AGK: variants seen among roughly 807,000 people sequenced by gnomAD.
The protein encoded by AGK is acylglycerol kinase.
Under a neutral mutation model 66.4 loss-of-function variants are expected in AGK, and 52 were observed. The ratio of observed to expected loss-of-function variants is 0.78; its 90% CI spans 0.63 to 0.99. AGK has a LOEUF of 0.99. Ranked by LOEUF, AGK falls within the 50% of genes least tolerant of loss-of-function variation. The pLI, the probability that AGK is intolerant of heterozygous loss-of-function variation, is 0.00. For synonymous variants in AGK, 182 were observed against 181.1 expected, an observed-to-expected ratio of 1.00 and a Z score of -0.04; for missense variants, 451 against 506.6, an observed-to-expected ratio of 0.89 and a Z score of 1.05.
chr7:141,640,480 G>A (rs1472948441), intron 11 of AGK, among the ~76,000 whole-genome samples: 1 of 152,140 alleles, frequency 6.6e-6, no homozygotes, highest in Non-Finnish European at 1.5e-5. Context: ...GAACAGGGAA[G>A]CATTTCACCC....
chr7:141,597,813 C>T (rs1297616190), intron 4 of AGK, among the ~76,000 whole-genome samples: 2 of 146,828 alleles, frequency 1.4e-5, no homozygotes, highest in Non-Finnish European at 3.0e-5. Context: ...ATCACCTAAG[C>T]CCAGGAGGTC....
At chr7:141,632,813 G>A (rs572422431) in intron 9 of AGK, among the ~76,000 whole-genome samples, 1 of 152,284 alleles carries the variant, frequency 6.6e-6, no homozygotes, top group East Asian at 1.9e-4. Context: ...GCAGATACTC[G>A]ACAAAGGGAT....
In AGK at chr7:141,651,568, G is replaced by C; in HGVS notation, c.1090G>C (p.Glu364Gln). The change falls in exon 15 of 16, where the codon GAG becomes CAG. Residue 364 changes from glutamate (E) to glutamine (Q), a missense_variant. Physicochemically the swap from Glu to Gln is conservative, Grantham distance 29 (BLOSUM62 2). Transcript: ENST00000649286. ...RNPKLHVEGT[E>Q]CLQASQCTLL... The stretch of plus-strand genomic sequence containing the variant: ...CCCCAAGCTGCACGTGGAGGGCACG[G>C]AGTGTCTCCAAGCCAGCCAGTGCAC... The C allele has an allele frequency of 6.2e-7, 1 of 1,614,246 alleles. No individual in the cohort carries two copies. The highest frequency in any genetic ancestry group is 8.5e-7 in the Non-Finnish European group (1 of 1,180,040).
chr7:141,604,742 C>A (rs1796421510), intron 5 of AGK, among the ~76,000 whole-genome samples: 1 of 151,808 alleles, frequency 6.6e-6, no homozygotes, highest in Non-Finnish European at 1.5e-5. Flanking sequence ...TGCCACCACA[C>A]CCAGCTAATT....
At chr7:141,569,820 T>C (rs1795560149) in intron 2 of AGK, among the ~76,000 whole-genome samples, 2 of 152,078 alleles carry the variant, frequency 1.3e-5, no homozygotes, top group African/African-American at 4.8e-5. Flanking sequence ...GGCCACTGTG[T>C]CTTAGGAGCG....
At chr7:141,562,120 G>T (rs1284672098) in intron 2 of AGK, 2 of 455,552 alleles carry the variant, frequency 4.4e-6, no homozygotes, top group African/African-American at 4.0e-5. Context: ...GGTTTAGTGT[G>T]CTGGCTTTCT....
At chr7:141,578,693 G>T (rs1009781502) in intron 2 of AGK, among the ~76,000 whole-genome samples, 1 of 151,090 alleles carries the variant, frequency 6.6e-6, no homozygotes, top group African/African-American at 2.4e-5. Flanking sequence ...TTGTTAGAAG[G>T]AGCATTTGTC....
In AGK at chr7:141,584,210, AG is replaced by A. The variant is rs1042756143; in HGVS notation, c.102-8931del. ...GTAGGTAGTGGAAAATTATAGTCAA[AG>A]GGGGTTGTTCTCTGGCTGGCAGGGG... On this transcript the variant is annotated intron_variant, in intron 2 of 15. Transcript: ENST00000649286. Among the ~76,000 whole-genome samples the A allele has an allele frequency of 4.8e-4, 73 of 152,052 alleles. 4 individuals carry two copies. The highest frequency in any genetic ancestry group is 2.9e-5 in the Non-Finnish European group (2 of 68,012).
At chr7:141,603,440 GTAAT>G (rs1796384229) in intron 5 of AGK, among the ~76,000 whole-genome samples, 1 of 151,960 alleles carries the variant, frequency 6.6e-6, no homozygotes, top group African/African-American at 2.4e-5. Context: ...AGTACTATTG[GTAAT>G]TTATACTAGC....
At chr7:141,592,742 C>T (rs536867380) in intron 2 of AGK, among the ~76,000 whole-genome samples, 3 of 151,904 alleles carry the variant, frequency 2.0e-5, no homozygotes, top group South Asian at 2.1e-4. Context: ...CTCGCTCTGT[C>T]GCCCGGGCTG....
At chr7:141,572,100 G>A (rs1360705774) in intron 2 of AGK, among the ~76,000 whole-genome samples, 1 of 152,168 alleles carries the variant, frequency 6.6e-6, no homozygotes, top group Non-Finnish European at 1.5e-5. Context: ...AGGAGGATGG[G>A]GGAAAATCCA....
At chr7:141,608,332 C>G (rs1796507761) in intron 5 of AGK, among the ~76,000 whole-genome samples, 1 of 152,108 alleles carries the variant, frequency 6.6e-6, no homozygotes, top group Admixed American at 6.6e-5. Flanking sequence ...GAGCTTTGAA[C>G]AGACACCCAA....
chr7:141,645,209 A>T (rs2117020465), intron 13 of AGK, among the ~76,000 whole-genome samples: 1 of 152,188 alleles, frequency 6.6e-6, no homozygotes, highest in Admixed American at 6.5e-5. Flanking sequence ...TCATTTATTT[A>T]GGTCTTCAAT....
At chr7:141,605,854 A>T (rs796069129) in intron 5 of AGK, among the ~76,000 whole-genome samples, 10 of 152,332 alleles carry the variant, frequency 6.6e-5, no homozygotes, top group African/African-American at 2.4e-4. Context: ...CCCATTTGAC[A>T]TGAAAGCTCC....
intron 13 of AGK, among the ~76,000 whole-genome samples, chr7:141,645,421 A>T (rs1038019182): frequency 6.6e-6 from 1 of 152,138 alleles, no homozygotes; most frequent in African/African-American, 2.4e-5. Context: ...AATTATTCTA[A>T]CTTTCTTTCA....
At chr7:141,611,446 C>T (rs773821663) in intron 6 of AGK, among the ~76,000 whole-genome samples, 159 bp downstream of exon 6, 1 of 152,056 alleles carries the variant, frequency 6.6e-6, no homozygotes, top group Admixed American at 6.5e-5. Flanking sequence ...AATTTTTCTC[C>T]TGCACTTCCA....
intron 2 of AGK, among the ~76,000 whole-genome samples, chr7:141,559,087 T>A (rs1213031455): frequency 6.6e-6 from 1 of 152,206 alleles, no homozygotes; most frequent in African/African-American, 2.4e-5. Flanking sequence ...ACACTATTGA[T>A]CATGTCCTTT....
At chr7:141,604,374 G>GTATATATATATATATATATATA (rs368893843) in intron 5 of AGK, among the ~76,000 whole-genome samples, 11 of 113,822 alleles carry the variant, frequency 9.7e-5, no homozygotes, top group Admixed American at 9.1e-5. Context: ...GTGTGTGTGT[G>GTATATATATATATATATATATA]TATATATATA....
chr7:141,607,966 C>G (rs1258461422), intron 5 of AGK, among the ~76,000 whole-genome samples: 3 of 151,922 alleles, frequency 2.0e-5, no homozygotes, highest in Non-Finnish European at 4.4e-5. Flanking sequence ...CTGTCAAGAT[C>G]TTTTAAAATT....
Sources: gnomAD v4.1 joint callset for allele counts (sites outside exome capture counted in the v4.1 genomes callset) on GRCh38, gnomAD v4.1.1 for gene constraint, MANE v1.5 for transcripts, NCBI Gene and HGNC (gene_info 2026-07-23, HGNC 2026-07-21) for gene names.